The following COL21A1 variants were observed in gnomAD, a reference collection of about 807,000 sequenced individuals.
COL21A1 encodes the protein collagen type XXI alpha 1 chain.
A neutral mutation model predicts 137.9 loss-of-function variants in COL21A1; 149 were observed. The ratio of observed to expected loss-of-function variants is 1.08; its 90% CI spans 0.95 to 1.24. The LOEUF (loss-of-function observed/expected upper bound fraction) is 1.24. Ranked by LOEUF, COL21A1 falls within the 50% of genes most tolerant of loss-of-function variation. The pLI, the probability that COL21A1 is intolerant of heterozygous loss-of-function variation, is 0.00. For synonymous variants in COL21A1, 456 were observed against 391.5 expected (o/e 1.16, Z -1.95); for missense variants, 1,167 against 1,158.4 (o/e 1.01, Z -0.11).
intron 1 of COL21A1, among the ~76,000 whole-genome samples, chr6:56,357,346 T>C (rs1023803549): frequency 1.3e-5 from 2 of 152,178 alleles, no homozygotes; most frequent in Non-Finnish European, 2.9e-5. Flanking sequence ...ATCTTACAAT[T>C]GCCATCCGTA....
chr6:56,389,137 G>A (rs1416814945), intron 1 of COL21A1, among the ~76,000 whole-genome samples: 4 of 152,102 alleles, frequency 2.6e-5, no homozygotes, highest in Non-Finnish European at 5.9e-5. Flanking sequence ...CTGAGGCAGT[G>A]GATCATCTGA....
chr6:56,112,686 T>G (rs967786750), intron 16 of COL21A1, among the ~76,000 whole-genome samples: 6 of 138,012 alleles, frequency 4.3e-5, no homozygotes. Flanking sequence ...TTTTCTTTTT[T>G]CTTTTTTTTT....
intron 1 of COL21A1, among the ~76,000 whole-genome samples, chr6:56,194,575 GA>G (rs997236923): frequency 5.3e-5 from 8 of 151,872 alleles, no homozygotes; most frequent in African/African-American, 1.5e-4. Flanking sequence ...TGGTAAATAA[GA>G]AAAAAAGTCC....
intron 7 of COL21A1, among the ~76,000 whole-genome samples, chr6:56,166,622 G>T (rs968771965): frequency 2.6e-5 from 4 of 152,160 alleles, no homozygotes; most frequent in African/African-American, 9.7e-5. Flanking sequence ...CTGCACTCCA[G>T]CCTGGGCGAC....
At chr6:56,345,712 C>A (rs1562065987) in intron 1 of COL21A1, among the ~76,000 whole-genome samples, 1 of 152,174 alleles carries the variant, frequency 6.6e-6, no homozygotes, top group African/African-American at 2.4e-5. Flanking sequence ...TTTGAAGGAG[C>A]CAGTGTGTCT....
chr6:56,218,455 T>C (rs1780622776), intron 1 of COL21A1, among the ~76,000 whole-genome samples: 1 of 152,118 alleles, frequency 6.6e-6, no homozygotes, highest in East Asian at 1.9e-4. Flanking sequence ...TATAAATCTA[T>C]AAGACAACAG....
chr6:56,069,594 G>A (rs553858483), intron 21 of COL21A1, among the ~76,000 whole-genome samples: 2 of 150,078 alleles, frequency 1.3e-5, no homozygotes, highest in African/African-American at 4.8e-5. Context: ...ATTTTGTTAT[G>A]TATTTTTTCT....
rs1266142358 is a variant in COL21A1 at position 56,075,429 on chromosome 6, T to C, written c.1911+50A>G. On this transcript the variant is annotated intron_variant, in intron 19 of 29. Coordinates refer to ENST00000244728, the MANE Select transcript of COL21A1 (RefSeq NM_030820.4). The stretch of plus-strand genomic sequence containing the variant: ...TCGAATATGAACTCCTAGTAGGTAG[T>C]AGCAACACTGCAAACACTTTGATGT... 1.1e-5 allele frequency: 16 copies of C among 1,433,888 alleles called. No individual in the cohort carries two copies. The South Asian group carries it at 1.3e-4, about 12-fold the overall frequency. 88.8% of individuals were successfully genotyped at this position (1,433,888 alleles called of 1,614,324 possible).
Position 56,134,098 on chromosome 6 carries a change from C to G in COL21A1, c.1542+7687G>C, listed in dbSNP as rs558050156. ...CCCAGAATGGTATATCTACCGATAG[C>G]TTGCACCATGCACCTGGAAAAACCA... On this transcript the variant is annotated intron_variant, in intron 12 of 29. Coordinates refer to ENST00000244728, the MANE Select transcript of COL21A1 (RefSeq NM_030820.4). Among the ~76,000 whole-genome samples the G allele has an allele frequency of 2.0e-5, 3 of 152,304 alleles. No individual in the cohort carries two copies. The East Asian group carries it at 5.8e-4, about 29-fold the overall frequency.
chr6:56,221,000 C>G lies in COL21A1; in HGVS notation c.-39+26387G>C, dbSNP rs531313029. On this transcript the variant is annotated intron_variant, in intron 1 of 29. Coordinates refer to ENST00000244728, the MANE Select transcript of COL21A1 (RefSeq NM_030820.4). Reference sequence around the variant, plus strand: ...CCATTCTTAAGGGAAAAATCTGCCTCTTGTTAATTGATATTTTGTAGTTCT... The same window carrying G: ...CCATTCTTAAGGGAAAAATCTGCCTGTTGTTAATTGATATTTTGTAGTTCT... Among the ~76,000 whole-genome samples the G allele has an allele frequency of 5.9e-5, 9 of 152,224 alleles. No homozygotes were observed. In the South Asian group the frequency reaches 1.9e-3, roughly 32 times the overall value.
intron 16 of COL21A1, among the ~76,000 whole-genome samples, chr6:56,113,947 T>C (rs1561878037): frequency 6.6e-6 from 1 of 151,496 alleles, no homozygotes; most frequent in Non-Finnish European, 1.5e-5. Context: ...TGGCTAGGGG[T>C]GGTGGTGGAT....
intron 1 of COL21A1, among the ~76,000 whole-genome samples, chr6:56,207,882 A>G (rs1413423235): frequency 1.3e-5 from 2 of 152,190 alleles, no homozygotes; most frequent in East Asian, 1.9e-4. Flanking sequence ...GATTCAACAT[A>G]CGCAAATCAA....
intron 1 of COL21A1, among the ~76,000 whole-genome samples, chr6:56,382,578 A>C (rs1208960534): frequency 6.6e-6 from 1 of 152,182 alleles, no homozygotes; most frequent in East Asian, 1.9e-4. Flanking sequence ...ATGAAGTCAT[A>C]AGGGAGAGGC....
chr6:56,063,666 A>T (rs1765998573), intron 24 of COL21A1, among the ~76,000 whole-genome samples: 1 of 152,054 alleles, frequency 6.6e-6, no homozygotes. Context: ...CACGTTGCAG[A>T]TAACCTTGGG....
upstream of COL21A1, among the ~76,000 whole-genome samples, chr6:56,251,697 T>C (rs1782859216): frequency 6.6e-6 from 1 of 152,224 alleles, no homozygotes; most frequent in Admixed American, 6.5e-5. Context: ...GTCTAGTGAA[T>C]GAAATTTAAC....
At chr6:56,063,275 G>A (rs1490380591) in intron 24 of COL21A1, among the ~76,000 whole-genome samples, 1 of 152,144 alleles carries the variant, frequency 6.6e-6, no homozygotes, top group African/African-American at 2.4e-5. Context: ...TAAGTTGTGA[G>A]TTCAAATTCT....
chr6:56,116,532 C>G (rs1385676168), intron 16 of COL21A1, among the ~76,000 whole-genome samples: 1 of 151,330 alleles, frequency 6.6e-6, no homozygotes, highest in Non-Finnish European at 1.5e-5. Context: ...ACCAGACCTA[C>G]CATACAAGAA....
At chr6:56,219,177 C>T (rs1470803549) in intron 1 of COL21A1, among the ~76,000 whole-genome samples, 1 of 135,074 alleles carries the variant, frequency 7.4e-6, no homozygotes. Context: ...TGAGCCAAGC[C>T]CAGAAGCTCC....
At chr6:56,381,758 T>C (rs1284649458) in intron 1 of COL21A1, among the ~76,000 whole-genome samples, 1 of 152,226 alleles carries the variant, frequency 6.6e-6, no homozygotes, top group Non-Finnish European at 1.5e-5. Context: ...AGGAATGTTT[T>C]GTCAATTATC....
Sources: allele counts gnomAD v4.1 joint callset (sites outside exome capture counted in the v4.1 genomes callset), GRCh38; gene constraint gnomAD v4.1.1; transcripts MANE v1.5; gene names NCBI Gene and HGNC (gene_info 2026-07-23, HGNC 2026-07-21).